USP34: variants seen among roughly 807,000 people sequenced by gnomAD.
USP34 encodes ubiquitin carboxyl-terminal hydrolase 34.
Under a neutral mutation model 460.3 loss-of-function variants are expected in USP34, and 70 were observed. The observed-to-expected ratio is 0.15, with a 90% CI of 0.13 to 0.19. USP34 has a LOEUF of 0.19. Ranked by LOEUF, USP34 falls within the 10% of genes least tolerant of loss-of-function variation. The pLI is 1.00. For missense variants in USP34, 3,985 were observed against 4,236.2 expected, an observed-to-expected ratio of 0.94 and a Z score of 1.65; for synonymous variants, 1,647 against 1,405.3, an observed-to-expected ratio of 1.17 and a Z score of -3.85.
intron 5 of USP34, among the ~76,000 whole-genome samples, chr2:61,388,014 C>T (rs1477787118): frequency 1.3e-5 from 2 of 151,230 alleles, no homozygotes; most frequent in African/African-American, 4.9e-5. Context: ...TGCCTGTAAT[C>T]CCAGGACTTT....
At chr2:61,395,157 AAAG>A (rs748654592) in intron 4 of USP34, 23 bp downstream of exon 4, 16 of 1,486,606 alleles carry the variant, frequency 1.1e-5, no homozygotes, top group African/African-American at 2.8e-5. Context: ...ATTTTCCATA[AAAG>A]AATAAAAAAG....
intron 41 of USP34, among the ~76,000 whole-genome samples, chr2:61,272,581 T>C (rs1356818114): frequency 6.6e-6 from 1 of 152,130 alleles, no homozygotes; most frequent in Non-Finnish European, 1.5e-5. Flanking sequence ...CCTAACTGGA[T>C]CCCTTGACTC....
At chr2:61,391,889 C>A (rs1337210953) in intron 5 of USP34, among the ~76,000 whole-genome samples, 1 of 152,106 alleles carries the variant, frequency 6.6e-6, no homozygotes, top group Non-Finnish European at 1.5e-5. Context: ...TAAAGAGTTA[C>A]TCCATTGAGT....
intron 1 of USP34, among the ~76,000 whole-genome samples, chr2:61,439,676 C>T (rs1573043119): frequency 6.6e-6 from 1 of 152,284 alleles, no homozygotes; most frequent in East Asian, 1.9e-4. Flanking sequence ...AAGTGGCCCA[C>T]ACCTGACCTT....
chr2:61,392,961 T>C (rs1381702490), intron 5 of USP34, among the ~76,000 whole-genome samples: 1 of 152,156 alleles, frequency 6.6e-6, no homozygotes, highest in African/African-American at 2.4e-5. Context: ...TCAATCAGAA[T>C]AACAGGATCA....
rs138648677 is a variant in USP34, at chr2:61,277,761, A to G, written c.5433+404T>C. The G allele has an allele frequency of 6.1e-3, 970 of 159,894 alleles. 9 individuals carry two copies. The highest frequency in any genetic ancestry group is 0.022 in the African/African-American group (911 of 41,776). 9.9% of individuals were successfully genotyped at this position (159,894 alleles called of 1,614,324 possible). ...CTCCACCCAAATCTCATCTTGAATT[A>G]TATTGCCTATAATTCCCATTGTTGT... is the stretch of plus-strand genomic sequence containing the variant. On this transcript the variant is annotated intron_variant, in intron 41 of 79. Transcript: ENST00000398571.
chr2:61,300,467 G>C (rs572696528), intron 29 of USP34, among the ~76,000 whole-genome samples: 1 of 150,744 alleles, frequency 6.6e-6, no homozygotes, highest in Non-Finnish European at 1.5e-5. Flanking sequence ...GATCACAGGC[G>C]TGAGCCACCG....
chr2:61,290,181 A>G (rs1413552797), intron 33 of USP34, among the ~76,000 whole-genome samples: 1 of 152,154 alleles, frequency 6.6e-6, no homozygotes, highest in Admixed American at 6.5e-5. Flanking sequence ...GAATAGCTCA[A>G]ATTTTAAAAC....
rs1687351296 is a variant in USP34, at chr2:61,214,652, A to C, written c.8090T>G (p.Phe2697Cys). The part of the protein sequence containing the change: ...LLVSLIPSNS[F>C]RQMFRSTRSL... ...CCTTGTTGACCGGAACATCTGACGG[A>C]ATGAATTGCTTGGTATAAGGGACAC... Residue 2697 changes from phenylalanine (F) to cysteine (C), a missense_variant, in exon 68 of 80, where the codon TTC (phenylalanine) becomes TGC (cysteine). Transcript: ENST00000398571. 1.2e-6 allele frequency: 2 copies of C among 1,614,096 alleles called. No individual in the cohort carries two copies. The highest frequency in any genetic ancestry group is 1.7e-6 in the Non-Finnish European group (2 of 1,180,034).
intron 41 of USP34, among the ~76,000 whole-genome samples, chr2:61,267,721 C>G (rs1383441211): frequency 6.6e-6 from 1 of 152,164 alleles, no homozygotes; most frequent in African/African-American, 2.4e-5. Flanking sequence ...TCATGCCATT[C>G]TCCTGCCTCA....
chr2:61,203,623 TTTATC>T (rs1687035045), intron 74 of USP34, among the ~76,000 whole-genome samples: 1 of 152,162 alleles, frequency 6.6e-6, no homozygotes, highest in Non-Finnish European at 1.5e-5. Flanking sequence ...TTTTAAATAT[TTTATC>T]TTATAAGAAC....
Position 61,278,152 on chromosome 2 carries a change from T to C in USP34, c.5433+13A>G. 1 of 1,610,626 alleles carries C rather than the reference T, an allele frequency of 6.2e-7. No homozygotes were observed. The highest frequency in any genetic ancestry group is 1.1e-5 in the South Asian group (1 of 90,512). On this transcript the variant is annotated intron_variant, in intron 41 of 79. Coordinates refer to ENST00000398571, the MANE Select transcript of USP34 (RefSeq NM_014709.4). ...CACATTTCATAGAAACATTTGATTATCTTAACACTTACCTGTCCTTCCCTT... is the reference window on the plus strand; with the variant it reads ...CACATTTCATAGAAACATTTGATTACCTTAACACTTACCTGTCCTTCCCTT...
At chr2:61,245,630 C>A (rs1688398742) in intron 50 of USP34, among the ~76,000 whole-genome samples, 1 of 150,782 alleles carries the variant, frequency 6.6e-6, no homozygotes, top group Admixed American at 6.6e-5. Context: ...AATTTATGAT[C>A]AAAAAAAGAT....
chr2:61,327,154 G>C (rs778157), intron 20 of USP34, among the ~76,000 whole-genome samples: 55,953 of 151,824 alleles, frequency 0.37, 10,301 homozygotes, highest in African/African-American at 0.39. Context: ...CCCAAAATTA[G>C]CTTCCCAAAA....
chr2:61,432,136 T>TA (rs2103999822), intron 1 of USP34, among the ~76,000 whole-genome samples: 1 of 151,312 alleles, frequency 6.6e-6, no homozygotes, highest in Non-Finnish European at 1.5e-5. Context: ...CCCAGGTGTT[T>TA]GAGACCAGCC....
At chr2:61,262,719 G>A (rs762055887) in intron 43 of USP34, among the ~76,000 whole-genome samples, 7 of 152,130 alleles carry the variant, frequency 4.6e-5, no homozygotes, top group African/African-American at 7.2e-5. Context: ...TAGCTGAGCC[G>A]AATAGTAATT....
chr2:61,451,015 C>A (rs1695256835), intron 1 of USP34, among the ~76,000 whole-genome samples: 1 of 151,042 alleles, frequency 6.6e-6, no homozygotes, highest in East Asian at 2.0e-4. Flanking sequence ...GTCAAGAGTT[C>A]AAGACCAGCC....
At chr2:61,364,325 T>G (rs181285263) in intron 10 of USP34, among the ~76,000 whole-genome samples, 215 of 152,332 alleles carry the variant, frequency 1.4e-3, no homozygotes, top group African/African-American at 5.0e-3. Context: ...GTAATTGTGC[T>G]GCTGCATCCA....
intron 1 of USP34, among the ~76,000 whole-genome samples, chr2:61,451,241 A>AAAAAAAAAAAAC: frequency 6.7e-6 from 1 of 150,174 alleles, no homozygotes; most frequent in African/African-American, 2.4e-5. Context: ...AAAAAAAAAA[A>AAAAAAAAAAAAC]AAAAGAAATG....
Sources: gnomAD v4.1 joint callset for allele counts (sites outside exome capture counted in the v4.1 genomes callset) on GRCh38, gnomAD v4.1.1 for gene constraint, MANE v1.5 for transcripts, NCBI Gene and HGNC (gene_info 2026-07-23, HGNC 2026-07-21) for gene names.